Variants in ABHD12 observed in about 807,000 individuals in gnomAD.
ABHD12 encodes the protein abhydrolase domain containing 12, lysophospholipase.
In ABHD12, 43 loss-of-function variants were observed where a neutral mutation model predicts 58.3. The ratio of observed to expected loss-of-function variants is 0.74; its 90% CI spans 0.58 to 0.95. The LOEUF (loss-of-function observed/expected upper bound fraction) is 0.95, where lower values mean the gene tolerates loss of function less well. Among genes scored for constraint, ABHD12 ranks in the 40% least tolerant of loss-of-function variants. ABHD12 has a pLI of 0.00. For missense variants in ABHD12, 539 were observed against 537.2 expected, an observed-to-expected ratio of 1.00 and a Z score of -0.03; for synonymous variants, 219 against 211.2, an observed-to-expected ratio of 1.04 and a Z score of -0.32.
At chr20:25,335,663 T>C (rs953201678) in intron 2 of ABHD12, among the ~76,000 whole-genome samples, 1 of 148,256 alleles carries the variant, frequency 6.7e-6, no homozygotes, top group Admixed American at 6.8e-5. Flanking sequence ...TGTAGGGACA[T>C]GGATGAAATT....
Position 25,307,959 on chromosome 20 carries a change from T to C in ABHD12, c.867+7A>G. ...AAAAGTTAATTTTTAATAAAATCTG[T>C]ACTTGCCACTGAAAATGGATGGCTC... On this transcript the variant is annotated splice_region_variant and intron_variant, in intron 9 of 12. Coordinates refer to ENST00000339157, the MANE Select transcript of ABHD12 (RefSeq NM_001042472.3). 2 of 1,534,766 alleles carry C rather than the reference T, an allele frequency of 1.3e-6. No homozygotes were observed. Among genetic ancestry groups the C allele is most frequent in the East Asian group, 2.2e-5 (1 of 44,748 alleles).
chr20:25,351,828 G>A (rs971129393), intron 1 of ABHD12, among the ~76,000 whole-genome samples: 5 of 151,988 alleles, frequency 3.3e-5, no homozygotes, highest in South Asian at 2.1e-4. Context: ...TTGAACTCAG[G>A]GGGTGGAGGT....
At chr20:25,304,244 T>C (rs2088693809) in intron 10 of ABHD12, among the ~76,000 whole-genome samples, 1 of 152,276 alleles carries the variant, frequency 6.6e-6, no homozygotes, top group African/African-American at 2.4e-5. Flanking sequence ...TCCTGGCACC[T>C]GGAGCAGGAC....
At chr20:25,351,737 A>C (rs2089602460) in intron 1 of ABHD12, among the ~76,000 whole-genome samples, 1 of 152,138 alleles carries the variant, frequency 6.6e-6, no homozygotes, top group African/African-American at 2.4e-5. Flanking sequence ...CCCTGTCTCT[A>C]CTAAAAATAC....
intron 2 of ABHD12, among the ~76,000 whole-genome samples, chr20:25,328,709 T>C (rs2089217098): frequency 6.6e-6 from 1 of 152,204 alleles, no homozygotes. Context: ...TACTCCAGGA[T>C]GGCCTCATTC....
chr20:25,300,202 G>GA, downstream of ABHD12: 2 of 996,238 alleles, frequency 2.0e-6, no homozygotes, highest in Non-Finnish European at 2.4e-6. Flanking sequence ...TCGCGCTGCA[G>GA]AGAGACAAAA....
At chr20:25,386,828 C>A (rs2090097748) in intron 1 of ABHD12, among the ~76,000 whole-genome samples, 1 of 151,916 alleles carries the variant, frequency 6.6e-6, no homozygotes, top group Admixed American at 6.6e-5. Context: ...TTGCAGTGAC[C>A]CGAGATCGTG....
At chr20:25,297,229 G>A (rs201341841), downstream of ABHD12, 1 of 152,316 alleles carries the variant, frequency 6.6e-6, no homozygotes, top group Non-Finnish European at 1.5e-5. Context: ...CTGTCTCAGA[G>A]GCCTTGGTCA....
At position 25,302,347 on chromosome 20, in the gene ABHD12, C is replaced by T; in HGVS notation, c.1030-1G>A. 1 of 1,613,118 alleles carries T rather than the reference C, an allele frequency of 6.2e-7. No homozygotes were observed. The highest frequency in any genetic ancestry group is 8.5e-7 in the Non-Finnish European group (1 of 1,179,902). On this transcript the variant is annotated splice_acceptor_variant, in intron 11 of 12. Transcript: ENST00000339157. LOFTEE classifies it high-confidence loss of function. ...GAGCTGGTGCGGCGATGCTATAGAGCTGGGGAGAGAGGGGTCAGAGCCTGA... is the reference window on the plus strand; with the variant it reads ...GAGCTGGTGCGGCGATGCTATAGAGTTGGGGAGAGAGGGGTCAGAGCCTGA...
chr20:25,380,973 C>T (rs1278660484), intron 1 of ABHD12, among the ~76,000 whole-genome samples: 2 of 152,218 alleles, frequency 1.3e-5, no homozygotes, highest in Non-Finnish European at 2.9e-5. Context: ...CTTCCTGTTG[C>T]TCAGAAAGTA....
chr20:25,310,566 G>GT (rs2088830167), intron 6 of ABHD12: 2 of 152,526 alleles, frequency 1.3e-5, no homozygotes, highest in Non-Finnish European at 2.9e-5. Flanking sequence ...TCCCGACTCA[G>GT]ACACTAGAGG....
chr20:25,390,379 G>A (rs2090154248), intron 1 of ABHD12, 134 bp downstream of exon 1: 2 of 915,928 alleles, frequency 2.2e-6, no homozygotes, highest in Admixed American at 4.4e-5. Flanking sequence ...CACAGGCGCG[G>A]ACGGGGGCGG....
At chr20:25,308,099 G>T in intron 8 of ABHD12, 54 bp from the exon 9 acceptor site, 1 of 1,250,818 alleles carries the variant, frequency 8.0e-7, no homozygotes, top group Middle Eastern at 2.0e-4. Flanking sequence ...CGACATACAT[G>T]TGGCCTGTGG....
At chr20:25,300,143 C>A, downstream of ABHD12, 1 of 965,572 alleles carries the variant, frequency 1.0e-6, no homozygotes, top group Non-Finnish European at 1.2e-6. Context: ...CGGCTAGAGG[C>A]TAGGCTGTGG....
intron 2 of ABHD12, among the ~76,000 whole-genome samples, chr20:25,337,381 C>T (rs905232281): frequency 2.0e-5 from 3 of 152,224 alleles, no homozygotes; most frequent in African/African-American, 7.2e-5. Flanking sequence ...GCTCAGCCTC[C>T]CCTTGCCCAA....
chr20:25,328,022 C>A (rs1393282809), intron 2 of ABHD12, among the ~76,000 whole-genome samples: 1 of 152,010 alleles, frequency 6.6e-6, no homozygotes, highest in Non-Finnish European at 1.5e-5. Context: ...CTTCCCCACA[C>A]CCACCAAGTT....
intron 1 of ABHD12, among the ~76,000 whole-genome samples, chr20:25,358,520 A>G (rs1462531830): frequency 6.6e-6 from 1 of 152,160 alleles, no homozygotes; most frequent in Admixed American, 6.5e-5. Flanking sequence ...ACTGGTCTGC[A>G]TTTTATCCCT....
chr20:25,328,955 TA>T (rs1455981178), intron 2 of ABHD12, among the ~76,000 whole-genome samples: 1 of 152,170 alleles, frequency 6.6e-6, no homozygotes, highest in Non-Finnish European at 1.5e-5. Flanking sequence ...AGTATTACTC[TA>T]AATGAGCAGA....
Position 25,390,732 on chromosome 20 carries a change from GGCGCCCGCTGGCCT to G in ABHD12, c.-43_-30del, listed in dbSNP as rs2090165471. 1 of 1,122,464 alleles carries G rather than the reference GGCGCCCGCTGGCCT, an allele frequency of 8.9e-7. No homozygotes were observed. Among genetic ancestry groups the G allele is most frequent in the Non-Finnish European group, 1.1e-6 (1 of 888,044 alleles). The allele number at this position is 1,122,464 out of a possible 1,614,324, so 69.5% of individuals were successfully genotyped here. A position where few individuals can be genotyped will look rare whatever the true frequency, so the allele number is the denominator to read the frequency against. ...GCGGCCGACAGGGCCAGCCGCCGAC[GGCGCCCGCTGGCCT>G]GCGCCGCAGTGCCGCCGCTCACAGC... On this transcript the variant is annotated 5_prime_UTR_variant, in exon 1 of 13. Transcript: ENST00000339157.
Sources: gnomAD v4.1 joint callset for allele counts (sites outside exome capture counted in the v4.1 genomes callset) on GRCh38, gnomAD v4.1.1 for gene constraint, MANE v1.5 for transcripts, NCBI Gene and HGNC (gene_info 2026-07-23, HGNC 2026-07-21) for gene names.